The following COL27A1 variants were observed in gnomAD, a reference collection of about 807,000 sequenced individuals.
The protein encoded by COL27A1 is collagen alpha-1(XXVII) chain.
COL27A1 carries 106 observed loss-of-function variants against 251.3 expected under a neutral mutation model. The ratio of observed to expected loss-of-function variants is 0.42; its 90% CI spans 0.36 to 0.50. The LOEUF is 0.50. Among genes scored for constraint, COL27A1 ranks in the 20% least tolerant of loss-of-function variants. COL27A1 has a pLI of 0.00. For missense variants in COL27A1, 2,325 were observed against 2,522.8 expected, an observed-to-expected ratio of 0.92 and a Z score of 1.68; for synonymous variants, 1,000 against 986.3, an observed-to-expected ratio of 1.01 and a Z score of -0.26.
intron 5 of COL27A1, among the ~76,000 whole-genome samples, chr9:114,186,061 T>C (rs768783963): frequency 3.3e-5 from 5 of 152,202 alleles, no homozygotes; most frequent in Non-Finnish European, 7.4e-5. Context: ...GGGGACTGTA[T>C]TTCAGATCCT....
At chr9:114,223,328 C>T (rs1328446878) in intron 14 of COL27A1, among the ~76,000 whole-genome samples, 1 of 152,206 alleles carries the variant, frequency 6.6e-6, no homozygotes, top group East Asian at 1.9e-4. Context: ...AGCAACTGTA[C>T]TGAGAAATTC....
At chr9:114,285,668 C>T in intron 41 of COL27A1, among the ~76,000 whole-genome samples, 1 of 152,200 alleles carries the variant, frequency 6.6e-6, no homozygotes, top group Non-Finnish European at 1.5e-5. Context: ...ACAGCTCAGC[C>T]ATGGTAGACG....
intron 12 of COL27A1, among the ~76,000 whole-genome samples, chr9:114,217,477 C>G (rs1830783646): frequency 6.6e-6 from 1 of 152,184 alleles, no homozygotes; most frequent in Non-Finnish European, 1.5e-5. Flanking sequence ...TGAGACCTGC[C>G]TGGCAGCTGC....
intron 37 of COL27A1, among the ~76,000 whole-genome samples, chr9:114,280,606 G>A (rs1270142917): frequency 6.6e-6 from 1 of 152,228 alleles, no homozygotes; most frequent in Non-Finnish European, 1.5e-5. Flanking sequence ...TGTGGCTGGA[G>A]GCCACGGGGC....
intron 15 of COL27A1, 104 bp downstream of exon 15, chr9:114,231,236 G>A (rs1831926572): frequency 8.9e-7 from 1 of 1,126,580 alleles, no homozygotes; most frequent in Non-Finnish European, 1.3e-6. Context: ...CTGGGGGAAG[G>A]GAGGATGGCA....
chr9:114,292,118 C>G lies in COL27A1; in HGVS notation c.4492C>G (p.Pro1498Ala). The G allele has an allele frequency of 6.4e-7, 1 of 1,558,002 alleles. No homozygotes were observed. The highest frequency in any genetic ancestry group is 8.7e-7 in the Non-Finnish European group (1 of 1,150,622). The change falls in exon 49 of 61, where the codon CCC (proline) becomes GCC (alanine). Residue 1498 changes from proline (P) to alanine (A), a missense_variant. Pro to Ala is a conservative substitution (Grantham distance 27). This residue lies in a region of COL27A1 where 153 missense variants were observed against 140.7 expected (regional missense o/e 1.09). Transcript: ENST00000356083. ...TTTCTTTAAGGGTGAGAGTGGGTTA[C>G]CCGGACAGCTGGGTCCCCCTGGCAA... is the stretch of plus-strand genomic sequence containing the variant. ...PPGFKGESGL[P>A]GQLGPPGKRG...
In COL27A1 at chr9:114,205,783, C is replaced by T. The variant is rs1255180161; in HGVS notation, c.2194C>T (p.Pro732Ser). 1 of 1,614,022 alleles carries T rather than the reference C, an allele frequency of 6.2e-7. No individual in the cohort carries two copies. The part of the protein sequence containing the change: ...EQGQPGPEGS[P>S]GAKGYPGRQG... ...GGGGCAGCCAGGACCTGAGGGCAGC[C>T]CAGGGGCCAAAGGTTACCCTGGCAG... is the stretch of plus-strand genomic sequence containing the variant. The change falls in exon 9 of 61, where the codon CCA (proline) becomes TCA (serine). Residue 732 changes from proline to serine, a missense_variant. Coordinates refer to ENST00000356083, the MANE Select transcript of COL27A1 (RefSeq NM_032888.4).
chr9:114,274,936 T>C (rs1835390981), intron 36 of COL27A1, among the ~76,000 whole-genome samples: 1 of 151,840 alleles, frequency 6.6e-6, no homozygotes, highest in Non-Finnish European at 1.5e-5. Context: ...TTGATGAAAA[T>C]TTCTTTCAGC....
Position 114,209,673 on chromosome 9 carries a change from A to G in COL27A1, c.2269-2A>G, listed in dbSNP as rs1830214555. 2 of 1,614,040 alleles carry G rather than the reference A, an allele frequency of 1.2e-6. No individual in the cohort carries two copies. The highest frequency in any genetic ancestry group is 1.7e-6 in the Non-Finnish European group (2 of 1,179,942). ...TCTGACCCCCTTTCTTCTCTTTCCT[A>G]GGGCTACATTGGGCTCCCAGGGCTC... On this transcript the variant is annotated splice_acceptor_variant, in intron 10 of 60. Coordinates refer to ENST00000356083, the MANE Select transcript of COL27A1 (RefSeq NM_032888.4). LOFTEE classifies it high-confidence loss of function.
chr9:114,222,690 T>C (rs1831204490), intron 14 of COL27A1, among the ~76,000 whole-genome samples: 1 of 151,982 alleles, frequency 6.6e-6, no homozygotes, highest in Non-Finnish European at 1.5e-5. Flanking sequence ...AGGGAGAAGG[T>C]AGCTGGCAGG....
Position 114,169,463 on chromosome 9 carries a change from G to T in COL27A1, c.1908G>T (p.Pro636=). The part of the protein sequence containing the change: ...PPGPKGDCGL[P]GPPGLPGLPG... ...GACCCAAGGGAGACTGTGGCTTGCC[G>T]GTAAGACTGAGTGGGGTCTGCATGC... Residue 636 remains proline, a splice_region_variant and synonymous_variant, in exon 3 of 61, where the codon CCG becomes CCT. Transcript: ENST00000356083. 6.6e-7 allele frequency: 1 copy of T among 1,524,648 alleles called. No homozygotes were observed. 94.4% of individuals were successfully genotyped at this position (1,524,648 alleles called of 1,614,324 possible).
intron 4 of COL27A1, 117 bp downstream of exon 4, chr9:114,178,461 C>T: frequency 1.1e-6 from 1 of 921,070 alleles, no homozygotes; most frequent in African/African-American, 1.6e-5. Flanking sequence ...CCCTCTCTGG[C>T]ACCCATATTT....
Position 114,290,186 on chromosome 9 carries a change from C to T in COL27A1, c.4261-38C>T. The T allele has an allele frequency of 6.4e-7, 1 of 1,569,814 alleles. No individual in the cohort carries two copies. The highest frequency in any genetic ancestry group is 2.3e-5 in the East Asian group (1 of 43,978). On this transcript the variant is annotated intron_variant, in intron 46 of 60. Transcript: ENST00000356083. The surrounding 1 kb of genome is among the most constrained non-coding windows in gnomAD (Gnocchi z 4.6). ...ACACCCGCCCTCCTCCCACTCCCTG[C>T]ACCAAATGCCCTCACCAGCTTTTTA... is the stretch of plus-strand genomic sequence containing the variant.
At chr9:114,176,967 G>T (rs970925976) in intron 3 of COL27A1, among the ~76,000 whole-genome samples, 7 of 152,190 alleles carry the variant, frequency 4.6e-5, no homozygotes, top group Non-Finnish European at 1.0e-4. Context: ...TTAACTCTGG[G>T]CAGGAAATCT....
At chr9:114,189,026 A>G (rs1828570637) in intron 5 of COL27A1, among the ~76,000 whole-genome samples, 1 of 152,162 alleles carries the variant, frequency 6.6e-6, no homozygotes, top group African/African-American at 2.4e-5. Flanking sequence ...ATTTTCACAA[A>G]TAGAAATGTT....
intron 28 of COL27A1, 105 bp downstream of exon 28, chr9:114,258,699 TG>T: frequency 8.4e-7 from 1 of 1,183,572 alleles, no homozygotes; most frequent in Non-Finnish European, 1.2e-6. Flanking sequence ...AGCCCAGCTC[TG>T]GGATCTGTGA....
chr9:114,214,451 A>C (rs1830581456), intron 12 of COL27A1, among the ~76,000 whole-genome samples: 5 of 152,164 alleles, frequency 3.3e-5, no homozygotes. Context: ...CTCAGTATCC[A>C]GTTTGGAAGG....
chr9:114,220,420 C>T (rs1328708320), intron 13 of COL27A1, among the ~76,000 whole-genome samples: 1 of 152,204 alleles, frequency 6.6e-6, no homozygotes, highest in Non-Finnish European at 1.5e-5. Flanking sequence ...TTCCCCATCT[C>T]CCCCTGGGGC....
At chr9:114,248,494 G>A (rs1415268886) in intron 24 of COL27A1, among the ~76,000 whole-genome samples, 2 of 152,192 alleles carry the variant, frequency 1.3e-5, no homozygotes, top group South Asian at 2.1e-4. Context: ...CTGCCTGTGC[G>A]GTGCCCGCTG....
Sources: allele counts gnomAD v4.1 joint callset (sites outside exome capture counted in the v4.1 genomes callset), GRCh38; gene constraint gnomAD v4.1.1; regional missense constraint gnomAD v4.1.1; non-coding constraint Gnocchi (gnomAD v3.1); transcripts MANE v1.5; gene names NCBI Gene and HGNC (gene_info 2026-07-23, HGNC 2026-07-21).